The following ZSCAN2 variants were observed in gnomAD, a reference collection of about 807,000 sequenced individuals.
The protein encoded by ZSCAN2 is zinc finger and SCAN domain containing 2.
Under a neutral mutation model 47.8 loss-of-function variants are expected in ZSCAN2, and 26 were observed. The ratio of observed to expected loss-of-function variants is 0.54; its 90% CI spans 0.40 to 0.75. The LOEUF (loss-of-function observed/expected upper bound fraction) is 0.75, where lower values mean the gene tolerates loss of function less well. ZSCAN2 is among the 30% of genes least tolerant of loss of function. The pLI, the probability that ZSCAN2 is intolerant of heterozygous loss-of-function variation, is 0.00. For missense variants in ZSCAN2, 732 were observed against 785.4 expected (o/e 0.93, Z 0.81); for synonymous variants, 305 against 288.7 (o/e 1.06, Z -0.57).
rs181783319 is a variant in ZSCAN2 at position 84,603,245 on chromosome 15, G to A, written c.-108-575G>A. 2.3e-3 allele frequency among the ~76,000 whole-genome samples: 350 copies of A among 152,232 alleles called. 1 individual carries two copies. The highest frequency in any genetic ancestry group is 4.3e-3 in the Non-Finnish European group (294 of 68,018). Reference sequence around the variant, plus strand: ...AGGTCAAGGTCACACAGTGCAAGTCGAAACTGACTTAGGAGAGTCCTCAGT... The same window carrying A: ...AGGTCAAGGTCACACAGTGCAAGTCAAAACTGACTTAGGAGAGTCCTCAGT... On this transcript the variant is annotated intron_variant, in intron 1 of 2. Transcript: ENST00000546148.
At position 84,602,450 on chromosome 15, in the gene ZSCAN2, G is replaced by C. The variant is rs148406816; in HGVS notation, c.-109+1315G>C. 2.0e-5 allele frequency among the ~76,000 whole-genome samples: 3 copies of C among 152,090 alleles called. No individual in the cohort carries two copies. The East Asian group carries it at 5.8e-4, about 29-fold the overall frequency. ...TCTTAAATTTCATATGTTTGCTCTT[G>C]TGCCGCCATTGCCAAATGAAGATAT... is the stretch of plus-strand genomic sequence containing the variant. On this transcript the variant is annotated intron_variant, in intron 1 of 2. Coordinates refer to ENST00000546148, the MANE Select transcript of ZSCAN2 (RefSeq NM_181877.4).
In ZSCAN2 at chr15:84,604,164, C is replaced by T; in HGVS notation, c.237C>T (p.Arg79=). The part of the protein sequence containing the change: ...VTRGPQGALG[R]LRELCRRWLR... ...GGGGACCACAGGGTGCACTCGGCCGCCTCCGAGAGCTCTGCCGGCGCTGGC... is the reference window on the plus strand; with the variant it reads ...GGGGACCACAGGGTGCACTCGGCCGTCTCCGAGAGCTCTGCCGGCGCTGGC... Residue 79 remains arginine (R), a synonymous_variant, in exon 2 of 3, where the codon CGC becomes CGT. Transcript: ENST00000546148. 6.2e-7 allele frequency: 1 copy of T among 1,613,704 alleles called. No individual in the cohort carries two copies. Among genetic ancestry groups the T allele is most frequent in the Non-Finnish European group, 8.5e-7 (1 of 1,179,858 alleles).
In ZSCAN2 at chr15:84,622,288, G is replaced by T. The variant is rs1017523147; in HGVS notation, c.*248G>T. 1 of 572,798 alleles carries T rather than the reference G, an allele frequency of 1.7e-6. No homozygotes were observed. Among genetic ancestry groups the T allele is most frequent in the Non-Finnish European group, 3.2e-6 (1 of 317,274 alleles). The allele number at this position is 572,798 out of a possible 1,614,324, so 35.5% of individuals were successfully genotyped here. On this transcript the variant is annotated 3_prime_UTR_variant, in exon 3 of 3. Transcript: ENST00000546148. Reference sequence around the variant, plus strand: ...GTTGGGTCTTTTTCCCTTACATTGGGTGACTTGATTGGCCCCCTCTCATGA... The same window carrying T: ...GTTGGGTCTTTTTCCCTTACATTGGTTGACTTGATTGGCCCCCTCTCATGA...
At chr15:84,613,604 G>A (rs1009661022) in intron 2 of ZSCAN2, among the ~76,000 whole-genome samples, 1 of 151,930 alleles carries the variant, frequency 6.6e-6, no homozygotes, top group Non-Finnish European at 1.5e-5. Flanking sequence ...CACTGCACCC[G>A]GCCGAGATTT....
chr15:84,610,488 C>CTTTTTTTTTTTTTT (rs71132689), intron 2 of ZSCAN2, among the ~76,000 whole-genome samples: 1 of 86,934 alleles, frequency 1.2e-5, no homozygotes, highest in Non-Finnish European at 2.1e-5. Context: ...TTCTTTCTTT[C>CTTTTTTTTTTTTTT]TTTTTTTTTT....
At position 84,622,095 on chromosome 15, in the gene ZSCAN2, C is replaced by A; in HGVS notation, c.*55C>A. 7.1e-7 allele frequency: 1 copy of A among 1,413,352 alleles called. No homozygotes were observed. Among genetic ancestry groups the A allele is most frequent in the Non-Finnish European group, 9.7e-7 (1 of 1,033,614 alleles). The allele number at this position is 1,413,352 out of a possible 1,614,324, so 87.6% of individuals were successfully genotyped here. A position where few individuals can be genotyped will look rare whatever the true frequency, so the allele number is the denominator to read the frequency against. On this transcript the variant is annotated 3_prime_UTR_variant, in exon 3 of 3. Transcript: ENST00000546148. ...CCTGGAGTGGGAGTTGCCACACTGC[C>A]CCAACAGTGATTCCCTTTCAAAGAG...
Position 84,621,606 on chromosome 15 carries a change from G to A in ZSCAN2, c.1411G>A (p.Glu471Lys). ...TGCACACCAGGGCATGCACACAGGG[G>A]AGAAACCCTACGAGTGCCTGACATG... is the stretch of plus-strand genomic sequence containing the variant. Reference protein sequence around the residue: ...LIAHQGMHTGEKPYECLTCGE... With the variant: ...LIAHQGMHTGKKPYECLTCGE... The change falls in exon 3 of 3, where the codon GAG becomes AAG. Residue 471 changes from glutamate (E) to lysine (K), a missense_variant. Physicochemically the swap from Glu to Lys is moderately conservative, Grantham distance 56 (BLOSUM62 1). Transcript: ENST00000546148. This position sits in a 1 kb window ranked among gnomAD's most constrained non-coding sequence, Gnocchi z 5.7. 6.2e-7 allele frequency: 1 copy of A among 1,614,088 alleles called. No homozygotes were observed.
At position 84,614,241 on chromosome 15, in the gene ZSCAN2, C is replaced by T. The variant is rs1262563424; in HGVS notation, c.407-6361C>T. On this transcript the variant is annotated intron_variant, in intron 2 of 2. Coordinates refer to ENST00000546148, the MANE Select transcript of ZSCAN2 (RefSeq NM_181877.4). ...TCCTGGCCTCATGCAGTCCTCTCAC[C>T]TCAGCCATCCAAAGTGCTGGGATTG... Among the ~76,000 whole-genome samples, 3 of 152,078 alleles carry T rather than the reference C, an allele frequency of 2.0e-5. No individual in the cohort carries two copies. The East Asian group carries it at 5.8e-4, about 29-fold the overall frequency.
chr15:84,612,670 G>GC (rs1895586063), intron 2 of ZSCAN2, among the ~76,000 whole-genome samples: 2 of 152,128 alleles, frequency 1.3e-5, no homozygotes, highest in South Asian at 4.2e-4. Context: ...GGTAGGCGGA[G>GC]CTTGCAGTGA....
Position 84,604,350 on chromosome 15 carries a change from C to T in ZSCAN2, c.406+17C>T. ...AGGACAGTGGTGAGACGCAGAACCTCATAGGGAGAGGGCGGGAGCACCCTT... is the reference window on the plus strand; with the variant it reads ...AGGACAGTGGTGAGACGCAGAACCTTATAGGGAGAGGGCGGGAGCACCCTT... On this transcript the variant is annotated intron_variant, in intron 2 of 2. Coordinates refer to ENST00000546148, the MANE Select transcript of ZSCAN2 (RefSeq NM_181877.4). The T allele has an allele frequency of 1.9e-6, 3 of 1,589,354 alleles. No homozygotes were observed. The highest frequency in any genetic ancestry group is 2.6e-6 in the Non-Finnish European group (3 of 1,166,618).
rs373077093 is a variant in ZSCAN2, at chr15:84,620,712, G to T, written c.517G>T (p.Asp173Tyr). ...TGAAGGTGAAAGTGCTCAGCACTCC[G>T]ATGGGGAAAGTGACTTTGAGAGAGA... is the stretch of plus-strand genomic sequence containing the variant. The part of the protein sequence containing the change: ...MPEGESAQHS[D>Y]GESDFERDAG... The change falls in exon 3 of 3, where the codon GAT (aspartate) becomes TAT (tyrosine). Residue 173 changes from aspartate to tyrosine, a missense_variant. Physicochemically the swap from Asp to Tyr is radical, Grantham distance 160. Around this residue, in one of 2 missense-constraint regions of ZSCAN2, gnomAD observed 320 missense variants for 287.4 expected, o/e 1.11. Coordinates refer to ENST00000546148, the MANE Select transcript of ZSCAN2 (RefSeq NM_181877.4). The T allele has an allele frequency of 1.2e-6, 2 of 1,614,250 alleles. No homozygotes were observed. Among genetic ancestry groups the T allele is most frequent in the Non-Finnish European group, 1.7e-6 (2 of 1,180,050 alleles).
chr15:84,616,333 G>C (rs189242968), intron 2 of ZSCAN2: 1 of 1,570,108 alleles, frequency 6.4e-7, no homozygotes, highest in Admixed American at 1.7e-5. Context: ...GTACATGGCT[G>C]CCCTGTGTGA....
chr15:84,608,616 C>T (rs759195599), intron 2 of ZSCAN2, among the ~76,000 whole-genome samples: 4 of 151,894 alleles, frequency 2.6e-5, no homozygotes, highest in Non-Finnish European at 5.9e-5. Context: ...AGAACCTCTG[C>T]ACTAGACCTC....
Position 84,604,041 on chromosome 15 carries a change from C to T in ZSCAN2, c.114C>T (p.Asp38=), listed in dbSNP as rs369551871. 7.6e-5 allele frequency: 123 copies of T among 1,614,000 alleles called. No individual in the cohort carries two copies. The highest frequency in any genetic ancestry group is 3.1e-4 in the South Asian group (28 of 91,078). The part of the protein sequence containing the change: ...EEVTTMILED[D]SWVQEAVLQE... The stretch of plus-strand genomic sequence containing the variant: ...TCACCACCATGATCCTGGAGGATGA[C>T]TCCTGGGTGCAAGAAGCTGTGCTGC... Residue 38 remains aspartate, a synonymous_variant, in exon 2 of 3, where the codon GAC becomes GAT. Coordinates refer to ENST00000546148, the MANE Select transcript of ZSCAN2 (RefSeq NM_181877.4).
chr15:84,613,697 T>C (rs952719875), intron 2 of ZSCAN2, among the ~76,000 whole-genome samples: 19 of 149,850 alleles, frequency 1.3e-4, no homozygotes, highest in South Asian at 2.1e-4. Context: ...TTTTTTGAGA[T>C]AGAATCTCAG....
At chr15:84,612,299 T>C (rs1444818062) in intron 2 of ZSCAN2, 1 of 152,368 alleles carries the variant, frequency 6.6e-6, no homozygotes, top group African/African-American at 2.4e-5. Flanking sequence ...CTTCCTTTGG[T>C]CTTCGCTGGA....
chr15:84,603,518 G>A (rs776538023), intron 1 of ZSCAN2, among the ~76,000 whole-genome samples: 14 of 151,754 alleles, frequency 9.2e-5, no homozygotes, highest in Non-Finnish European at 1.9e-4. Context: ...ACAGGCCCCC[G>A]CCACCACGCC....
In ZSCAN2 at chr15:84,621,574, G is replaced by A; in HGVS notation, c.1379G>A (p.Ser460Asn). The A allele has an allele frequency of 3.1e-6, 5 of 1,613,788 alleles. No homozygotes were observed. Among genetic ancestry groups the A allele is most frequent in the Non-Finnish European group, 4.2e-6 (5 of 1,179,968 alleles). Residue 460 changes from serine (S) to asparagine (N), a missense_variant, in exon 3 of 3, where the codon AGT becomes AAT. Physicochemically the swap from Ser to Asn is conservative, Grantham distance 46. Around this residue, in one of 2 missense-constraint regions of ZSCAN2, gnomAD observed 412 missense variants for 498.0 expected, o/e 0.83. Coordinates refer to ENST00000546148, the MANE Select transcript of ZSCAN2 (RefSeq NM_181877.4). The surrounding 1 kb of genome is among the most constrained non-coding windows in gnomAD (Gnocchi z 5.7). ...GGGAAGAGCTTCAGCCAGAGCTCCA[G>A]TCTGATTGCACACCAGGGCATGCAC... ...VCGKSFSQSSSLIAHQGMHTG... is the reference protein window; with the variant it reads ...VCGKSFSQSSNLIAHQGMHTG...
intron 2 of ZSCAN2, among the ~76,000 whole-genome samples, chr15:84,609,295 T>TATATGAGATATATGATATATCTC: frequency 6.7e-6 from 1 of 149,330 alleles, no homozygotes. Flanking sequence ...TCATATATGA[T>TATATGAGATATATGATATATCTC]ATATGAGATA....
Sources: gnomAD v4.1 joint callset for allele counts (sites outside exome capture counted in the v4.1 genomes callset) on GRCh38, gnomAD v4.1.1 for gene constraint, gnomAD v4.1.1 regional missense constraint, Gnocchi (gnomAD v3.1) non-coding constraint, MANE v1.5 for transcripts, NCBI Gene and HGNC (gene_info 2026-07-23, HGNC 2026-07-21) for gene names.